ZSWIM6: variants seen among roughly 807,000 people sequenced by gnomAD.
The protein encoded by ZSWIM6 is zinc finger SWIM-type containing 6.
Under a neutral mutation model 113.2 loss-of-function variants are expected in ZSWIM6, and 9 were observed. The ratio of observed to expected loss-of-function variants is 0.08; its 90% CI spans 0.05 to 0.14. The LOEUF is 0.14. Among genes scored for constraint, ZSWIM6 ranks in the 10% least tolerant of loss-of-function variants. The pLI is 1.00. For missense variants in ZSWIM6, 1,162 were observed against 1,552.2 expected, an observed-to-expected ratio of 0.75 and a Z score of 4.22; for synonymous variants, 611 against 606.5, an observed-to-expected ratio of 1.01 and a Z score of -0.11.
chr5:61,500,567 A>G (rs1416637055), intron 4 of ZSWIM6, among the ~76,000 whole-genome samples: 1 of 152,132 alleles, frequency 6.6e-6, no homozygotes, highest in East Asian at 1.9e-4. Context: ...CCATGGTACC[A>G]CAATCCTGAC....
chr5:61,521,493 A>C, intron 5 of ZSWIM6, 51 bp downstream of exon 5: 1 of 1,317,652 alleles, frequency 7.6e-7, no homozygotes, highest in Non-Finnish European at 9.9e-7. Flanking sequence ...AATTATGCAT[A>C]TGTGCTTATA....
chr5:61,392,772 C>G (rs190001213), intron 1 of ZSWIM6, among the ~76,000 whole-genome samples: 1 of 152,104 alleles, frequency 6.6e-6, no homozygotes, highest in Non-Finnish European at 1.5e-5. Context: ...GTCACCACCC[C>G]CTGCTAATTT....
chr5:61,478,672 A>T (rs1245154450), intron 2 of ZSWIM6, among the ~76,000 whole-genome samples: 1 of 150,936 alleles, frequency 6.6e-6, no homozygotes, highest in Non-Finnish European at 1.5e-5. Flanking sequence ...TGTTGCTGTG[A>T]CCATCTTTAT....
At chr5:61,533,592 T>C (rs377117404) in intron 9 of ZSWIM6, among the ~76,000 whole-genome samples, 5 of 152,368 alleles carry the variant, frequency 3.3e-5, no homozygotes, top group African/African-American at 1.2e-4. Context: ...CTGAATGTTT[T>C]ACTTGTTGAG....
chr5:61,355,912 T>A (rs1249593052), intron 1 of ZSWIM6, among the ~76,000 whole-genome samples: 1 of 152,236 alleles, frequency 6.6e-6, no homozygotes, highest in East Asian at 1.9e-4. Context: ...TAAAATTACA[T>A]AGTGGCTTCA....
intron 1 of ZSWIM6, among the ~76,000 whole-genome samples, chr5:61,450,964 T>C (rs537025880): frequency 6.6e-6 from 1 of 152,336 alleles, no homozygotes; most frequent in African/African-American, 2.4e-5. Context: ...GATAATGTGG[T>C]TCCAAGAAGT....
intron 1 of ZSWIM6, among the ~76,000 whole-genome samples, chr5:61,394,061 A>C (rs1745788195): frequency 6.6e-6 from 1 of 152,158 alleles, no homozygotes; most frequent in Non-Finnish European, 1.5e-5. Context: ...TAGTTTGGGG[A>C]ATATTTATAT....
intron 1 of ZSWIM6, among the ~76,000 whole-genome samples, chr5:61,461,835 AT>A (rs1372537686): frequency 6.6e-6 from 1 of 152,196 alleles, no homozygotes; most frequent in African/African-American, 2.4e-5. Context: ...ATTACCTGTA[AT>A]TACAGTGCTC....
At chr5:61,466,048 T>C (rs552427599) in intron 1 of ZSWIM6, among the ~76,000 whole-genome samples, 1 of 152,200 alleles carries the variant, frequency 6.6e-6, no homozygotes, top group Non-Finnish European at 1.5e-5. Flanking sequence ...GAATATGATA[T>C]TTCATACAAG....
At chr5:61,467,149 C>T (rs1473674495) in intron 1 of ZSWIM6, among the ~76,000 whole-genome samples, 5 of 152,110 alleles carry the variant, frequency 3.3e-5, no homozygotes, top group Admixed American at 1.3e-4. Context: ...TCTGGTATCA[C>T]TCTTAATAAT....
intron 1 of ZSWIM6, among the ~76,000 whole-genome samples, chr5:61,364,644 G>A (rs888442640): frequency 2.6e-5 from 4 of 152,130 alleles, no homozygotes; most frequent in Non-Finnish European, 5.9e-5. Context: ...CTGGAGGCTG[G>A]GAAACCCAAG....
intron 1 of ZSWIM6, among the ~76,000 whole-genome samples, chr5:61,351,106 T>G (rs888494398): frequency 1.3e-5 from 2 of 152,226 alleles, no homozygotes; most frequent in African/African-American, 4.8e-5. Context: ...TGTTAATAGT[T>G]TATTATAATT....
intron 1 of ZSWIM6, among the ~76,000 whole-genome samples, chr5:61,416,332 C>T (rs1337215668): frequency 1.3e-5 from 2 of 152,158 alleles, no homozygotes; most frequent in Non-Finnish European, 2.9e-5. Flanking sequence ...CCCCTCCTCC[C>T]GCAGAAACGA....
intron 1 of ZSWIM6, among the ~76,000 whole-genome samples, chr5:61,365,138 G>A (rs975593250): frequency 6.6e-5 from 10 of 152,132 alleles, no homozygotes; most frequent in African/African-American, 1.9e-4. Context: ...GATCACCTGA[G>A]GTCAGGAGTT....
rs1472357399 is a variant in ZSWIM6, at chr5:61,543,443, TG to T, written c.2786-11del. 1 of 1,542,360 alleles carries T rather than the reference TG, an allele frequency of 6.5e-7. No individual in the cohort carries two copies. The highest frequency in any genetic ancestry group is 2.0e-5 in the Admixed American group (1 of 50,774). On this transcript the variant is annotated splice_polypyrimidine_tract_variant and intron_variant, in intron 13 of 13. Coordinates refer to ENST00000252744, the MANE Select transcript of ZSWIM6 (RefSeq NM_020928.2). This position sits in a 1 kb window ranked among gnomAD's most constrained non-coding sequence, Gnocchi z 4.3. ...CCTCGTCAGTAATAGAGCCTGTTTG[TG>T]TTCCTTGCAGGGGTTTATGCCCTGG...
chr5:61,392,754 A>G (rs1055778652), intron 1 of ZSWIM6, among the ~76,000 whole-genome samples: 1 of 151,814 alleles, frequency 6.6e-6, no homozygotes, highest in Non-Finnish European at 1.5e-5. Flanking sequence ...CCGGGATTAC[A>G]GGCATCCGTC....
In ZSWIM6 at chr5:61,390,005, G is replaced by T. The variant is rs764294541; in HGVS notation, c.676+57057G>T. ...GGCATCTGCAGCATGAGACAGAATAGAATTTTTCTTTCTTTTTTCCATTTG... is the reference window on the plus strand; with the variant it reads ...GGCATCTGCAGCATGAGACAGAATATAATTTTTCTTTCTTTTTTCCATTTG... On this transcript the variant is annotated intron_variant, in intron 1 of 13. Coordinates refer to ENST00000252744, the MANE Select transcript of ZSWIM6 (RefSeq NM_020928.2). Among the ~76,000 whole-genome samples, 9 of 152,306 alleles carry T rather than the reference G, an allele frequency of 5.9e-5. 1 individual carries two copies. Among genetic ancestry groups the T allele is most frequent in the Middle Eastern group, 6.8e-3 (2 of 294 alleles).
intron 4 of ZSWIM6, among the ~76,000 whole-genome samples, chr5:61,518,325 A>G (rs1242073492): frequency 2.6e-5 from 4 of 151,768 alleles, no homozygotes; most frequent in Admixed American, 2.6e-4. Context: ...GGCTGGGTCA[A>G]ATGGTATTTC....
intron 4 of ZSWIM6, among the ~76,000 whole-genome samples, chr5:61,501,196 CTG>C (rs1748457433): frequency 6.6e-6 from 1 of 152,168 alleles, no homozygotes; most frequent in Admixed American, 6.6e-5. Flanking sequence ...ACTCAGAACT[CTG>C]TATTCTTGGG....
Sources: gnomAD v4.1 joint callset for allele counts (sites outside exome capture counted in the v4.1 genomes callset) on GRCh38, gnomAD v4.1.1 for gene constraint, Gnocchi (gnomAD v3.1) non-coding constraint, MANE v1.5 for transcripts, NCBI Gene and HGNC (gene_info 2026-07-23, HGNC 2026-07-21) for gene names.